The following FAM98B variants were observed in gnomAD, a reference collection of about 807,000 sequenced individuals.
The protein encoded by FAM98B is tRNA-splicing ligase complex subunit FAM98B.
In FAM98B, 32 loss-of-function variants were observed where a neutral mutation model predicts 43.9. The observed-to-expected ratio is 0.73, with a 90% confidence interval of 0.55 to 0.98. The LOEUF (loss-of-function observed/expected upper bound fraction) is 0.98. Among genes scored for constraint, FAM98B ranks in the 50% least tolerant of loss-of-function variants. The pLI is 0.00. For missense variants in FAM98B, 514 were observed against 522.9 expected (o/e 0.98, Z 0.17); for synonymous variants, 190 against 174.0 (o/e 1.09, Z -0.72).
Position 38,484,240 on chromosome 15 carries a change from T to G in FAM98B, c.898-15T>G, listed in dbSNP as rs1239517970. On this transcript the variant is annotated splice_polypyrimidine_tract_variant and intron_variant, in intron 7 of 7. Transcript: ENST00000397609. Reference sequence around the variant, plus strand: ...TGAAATATTAGGAACTAAAAGAAAATGTTTCTTCACACAGGTGCTGATGGG... The same window carrying G: ...TGAAATATTAGGAACTAAAAGAAAAGGTTTCTTCACACAGGTGCTGATGGG... The G allele has an allele frequency of 1.9e-6, 3 of 1,543,176 alleles. No individual in the cohort carries two copies. In the African/African-American group the frequency reaches 4.2e-5, roughly 21 times the overall value.
At chr15:38,466,606 A>G (rs1890036483) in intron 3 of FAM98B, among the ~76,000 whole-genome samples, 1 of 152,188 alleles carries the variant, frequency 6.6e-6, no homozygotes, top group African/African-American at 2.4e-5. Flanking sequence ...TATAAAAATA[A>G]CATGTTCAGG....
At chr15:38,473,256 T>A (rs781080955) in intron 4 of FAM98B, among the ~76,000 whole-genome samples, 2 of 152,146 alleles carry the variant, frequency 1.3e-5, no homozygotes, top group Non-Finnish European at 2.9e-5. Context: ...CCTAGGTACT[T>A]CTTTAGCTGT....
Position 38,454,299 on chromosome 15 carries a change from A to G in FAM98B, c.71+67A>G, listed in dbSNP as rs1057476433. Reference sequence around the variant, plus strand: ...TCTCCTTGGCCTGGCTGCTTAGCCTACTTCCCTTGGGCCTCTGTGGGCCTG... The same window carrying G: ...TCTCCTTGGCCTGGCTGCTTAGCCTGCTTCCCTTGGGCCTCTGTGGGCCTG... On this transcript the variant is annotated intron_variant, in intron 1 of 7. Coordinates refer to ENST00000397609, the MANE Select transcript of FAM98B (RefSeq NM_173611.4). 3.3e-6 allele frequency: 5 copies of G among 1,516,674 alleles called. No individual in the cohort carries two copies. The Admixed American group carries it at 7.9e-5, about 24-fold the overall frequency. 94.0% of individuals were successfully genotyped at this position (1,516,674 alleles called of 1,614,324 possible).
chr15:38,454,518 A>G (rs1414144539), intron 1 of FAM98B, among the ~76,000 whole-genome samples: 13 of 152,200 alleles, frequency 8.5e-5, no homozygotes, highest in Non-Finnish European at 1.0e-4. Flanking sequence ...CGGCCCTTCT[A>G]GCACCGGTTT....
intron 6 of FAM98B, among the ~76,000 whole-genome samples, chr15:38,479,099 C>T (rs567140653): frequency 1.3e-5 from 2 of 152,180 alleles, no homozygotes; most frequent in East Asian, 3.9e-4. Flanking sequence ...GCTGGGACTA[C>T]AGACGTGTGC....
chr15:38,456,548 T>TATA (rs1478101380), intron 1 of FAM98B, among the ~76,000 whole-genome samples: 1 of 152,206 alleles, frequency 6.6e-6, no homozygotes, highest in African/African-American at 2.4e-5. Context: ...TTGTGGAGTT[T>TATA]ATAATCTAGT....
chr15:38,460,559 A>G (rs1427747976), intron 1 of FAM98B, among the ~76,000 whole-genome samples: 2 of 152,230 alleles, frequency 1.3e-5, no homozygotes, highest in Non-Finnish European at 2.9e-5. Context: ...TATTTTAACA[A>G]GACCCTCAGG....
chr15:38,462,212 C>A (rs1397369815), intron 1 of FAM98B, among the ~76,000 whole-genome samples: 1 of 151,872 alleles, frequency 6.6e-6, no homozygotes, highest in East Asian at 1.9e-4. Context: ...GAAAAGGAGA[C>A]AAAAATGCAT....
intron 7 of FAM98B, 173 bp downstream of exon 7, chr15:38,481,632 C>G: frequency 3.3e-6 from 5 of 1,527,806 alleles, no homozygotes; most frequent in Non-Finnish European, 4.4e-6. Context: ...TGTATGTTCA[C>G]TTGAATTTGT....
chr15:38,461,742 C>A (rs1047094397), intron 1 of FAM98B, among the ~76,000 whole-genome samples: 1 of 152,064 alleles, frequency 6.6e-6, no homozygotes, highest in Non-Finnish European at 1.5e-5. Flanking sequence ...TACCCTACGT[C>A]TTGCTTGTAA....
chr15:38,475,217 G>A (rs1195024733), intron 6 of FAM98B, among the ~76,000 whole-genome samples: 1 of 152,020 alleles, frequency 6.6e-6, no homozygotes, highest in South Asian at 2.1e-4. Context: ...GGGGCAGGGC[G>A]ATGGTTTTGG....
intron 6 of FAM98B, among the ~76,000 whole-genome samples, chr15:38,475,875 A>T (rs796967341): frequency 3.5e-5 from 5 of 144,126 alleles, no homozygotes; most frequent in Admixed American, 6.9e-5. Flanking sequence ...GCTTTTTTTT[A>T]AAAAACTATA....
intron 7 of FAM98B, chr15:38,481,955 T>C (rs1250847812): frequency 1.0e-5 from 2 of 200,032 alleles, no homozygotes; most frequent in Non-Finnish European, 2.1e-5. Context: ...TCCATTTCTC[T>C]GACAGTAGTC....
At position 38,484,344 on chromosome 15, in the gene FAM98B, A is replaced by G. The variant is rs1237670491; in HGVS notation, c.987A>G (p.Gln329=). 6.5e-7 allele frequency: 1 copy of G among 1,536,436 alleles called. No individual in the cohort carries two copies. Among genetic ancestry groups the G allele is most frequent in the Non-Finnish European group, 8.8e-7 (1 of 1,142,142 alleles). ...PPEMPPWQKR[Q]EGGGGRGGWG... ...AAATGCCCCCTTGGCAAAAGAGACA[A>G]GAAGGCGGCGGTGGAAGGGGTGGTT... The change falls in exon 8 of 8, where the codon CAA becomes CAG. Residue 329 remains glutamine, a synonymous_variant. Coordinates refer to ENST00000397609, the MANE Select transcript of FAM98B (RefSeq NM_173611.4).
Position 38,463,427 on chromosome 15 carries a change from G to A in FAM98B, c.72-605G>A, listed in dbSNP as rs1169647990. Among the ~76,000 whole-genome samples, 4 of 151,642 alleles carry A rather than the reference G, an allele frequency of 2.6e-5. No homozygotes were observed. In the East Asian group the frequency reaches 7.7e-4, roughly 29 times the overall value. On this transcript the variant is annotated intron_variant, in intron 1 of 7. Transcript: ENST00000397609. ...AATCCCTTGAACCCAGGAGGTGGAG[G>A]TTGCAGTGAGCCAAGATTGTGTCAC...
At chr15:38,466,637 G>C (rs1054817544) in intron 3 of FAM98B, among the ~76,000 whole-genome samples, 2 of 152,142 alleles carry the variant, frequency 1.3e-5, no homozygotes, top group Non-Finnish European at 2.9e-5. Context: ...TGAGGAGTTA[G>C]TGTTTAATGG....
intron 1 of FAM98B, among the ~76,000 whole-genome samples, chr15:38,462,526 G>C (rs1383683747): frequency 6.6e-6 from 1 of 152,124 alleles, no homozygotes; most frequent in African/African-American, 2.4e-5. Context: ...ATCCTTACAG[G>C]AATACGTCGT....
chr15:38,454,342 C>T, intron 1 of FAM98B, 110 bp downstream of exon 1: 1 of 1,111,338 alleles, frequency 9.0e-7, no homozygotes, highest in Non-Finnish European at 1.3e-6. Context: ...ATGTGTAGGC[C>T]TCCTTCCCTG....
chr15:38,459,072 G>T (rs1309137329), intron 1 of FAM98B: 2 of 342,672 alleles, frequency 5.8e-6, no homozygotes, highest in East Asian at 1.5e-4. Flanking sequence ...CAGGTTGGCA[G>T]TGAAGGGAAC....
Sources: allele counts gnomAD v4.1 joint callset (sites outside exome capture counted in the v4.1 genomes callset), GRCh38; gene constraint gnomAD v4.1.1; transcripts MANE v1.5; gene names NCBI Gene and HGNC (gene_info 2026-07-23, HGNC 2026-07-21).